Variants in MYOCD observed in about 807,000 individuals in gnomAD.
MYOCD encodes myocardin.
Under a neutral mutation model 96.1 loss-of-function variants are expected in MYOCD, and 32 were observed. The observed-to-expected ratio is 0.33, with a 90% CI of 0.25 to 0.45. MYOCD has a LOEUF of 0.45. Among genes scored for constraint, MYOCD ranks in the 20% least tolerant of loss-of-function variants. MYOCD has a pLI of 1.00. For synonymous variants in MYOCD, 469 were observed against 469.0 expected (o/e 1.00, Z 0.00); for missense variants, 1,133 against 1,200.6 (o/e 0.94, Z 0.83).
chr17:12,728,681 A>G (rs1243748796), intron 5 of MYOCD, among the ~76,000 whole-genome samples: 1 of 151,982 alleles, frequency 6.6e-6, no homozygotes, highest in Non-Finnish European at 1.5e-5. Flanking sequence ...GTTTCTCCAC[A>G]TTGGTCAGGC....
intron 1 of MYOCD, among the ~76,000 whole-genome samples, chr17:12,675,643 G>A (rs1282459485): frequency 6.6e-6 from 1 of 152,206 alleles, no homozygotes; most frequent in East Asian, 1.9e-4. Context: ...TGGATCACGA[G>A]GTCAGGGGAT....
chr17:12,683,934 C>G (rs1352808275), intron 1 of MYOCD, among the ~76,000 whole-genome samples: 1 of 152,190 alleles, frequency 6.6e-6, no homozygotes, highest in Admixed American at 6.5e-5. Context: ...TTAGCATGTT[C>G]ACCTTACTGG....
intron 1 of MYOCD, among the ~76,000 whole-genome samples, chr17:12,697,389 G>T (rs8077742): frequency 0.14 from 17,872 of 123,404 alleles, 1,852 homozygotes; most frequent in African/African-American, 0.3. Context: ...TTGAGACGGG[G>T]TCTCGCTCTG....
intron 1 of MYOCD, among the ~76,000 whole-genome samples, chr17:12,683,413 ACTGTCAGTAC>A (rs1182354539): frequency 1.3e-5 from 2 of 151,874 alleles, no homozygotes; most frequent in Non-Finnish European, 2.9e-5. Context: ...CAACAACTTT[ACTGTCAGTAC>A]CTGTCTCTGT....
At chr17:12,719,698 C>CAA (rs57311284) in intron 4 of MYOCD, among the ~76,000 whole-genome samples, 59,601 of 106,050 alleles carry the variant, frequency 0.56, 17,823 homozygotes, top group Non-Finnish European at 0.67. Flanking sequence ...ACTAAAAATA[C>CAA]AAAAAAAAAA....
chr17:12,717,568 C>A, intron 4 of MYOCD, 147 bp downstream of exon 4: 1 of 655,306 alleles, frequency 1.5e-6, no homozygotes, highest in Non-Finnish European at 2.6e-6. Context: ...TCATCTAAGC[C>A]TTCTAGGCCA....
At chr17:12,749,773 G>C (rs112342863) in intron 9 of MYOCD, among the ~76,000 whole-genome samples, 76 of 149,340 alleles carry the variant, frequency 5.1e-4, no homozygotes, top group African/African-American at 1.7e-3. Flanking sequence ...ACATTTATTA[G>C]TTTCTCTGAT....
intron 4 of MYOCD, among the ~76,000 whole-genome samples, chr17:12,719,106 C>T (rs907094655): frequency 6.3e-5 from 8 of 127,582 alleles, no homozygotes; most frequent in African/African-American, 1.8e-4. Context: ...ACCTGGGAGG[C>T]GGAGGTTGCA....
intron 7 of MYOCD, among the ~76,000 whole-genome samples, chr17:12,741,925 A>G (rs1456611756): frequency 6.6e-6 from 1 of 151,992 alleles, no homozygotes; most frequent in African/African-American, 2.4e-5. Context: ...GGGCTCAAAA[A>G]GAGAATAGTA....
intron 2 of MYOCD, among the ~76,000 whole-genome samples, chr17:12,711,084 A>G (rs1328886264): frequency 2.0e-5 from 3 of 152,212 alleles, no homozygotes; most frequent in African/African-American, 4.8e-5. Context: ...TGTTGAGACT[A>G]TTATTGGGGT....
intron 1 of MYOCD, among the ~76,000 whole-genome samples, chr17:12,700,917 T>TG (rs921485446): frequency 9.2e-5 from 14 of 152,012 alleles, no homozygotes; most frequent in Non-Finnish European, 1.3e-4. Context: ...TGTATGTGTG[T>TG]GGGGGGGTTA....
chr17:12,742,281 C>T (rs1277256313), intron 7 of MYOCD, among the ~76,000 whole-genome samples: 4 of 152,178 alleles, frequency 2.6e-5, no homozygotes, highest in Admixed American at 2.0e-4. Flanking sequence ...ATTCATTAGT[C>T]GCCAGGAAGA....
intron 5 of MYOCD, among the ~76,000 whole-genome samples, chr17:12,732,193 A>G (rs1339553116): frequency 1.3e-5 from 2 of 152,076 alleles, no homozygotes; most frequent in Non-Finnish European, 2.9e-5. Context: ...TCCTCATTTC[A>G]TTGACTTAAG....
chr17:12,723,091 G>T, intron 5 of MYOCD, 83 bp downstream of exon 5: 1 of 1,337,316 alleles, frequency 7.5e-7, no homozygotes, highest in South Asian at 1.4e-5. Context: ...TAGGATCTTT[G>T]GGGATGAGGG....
intron 7 of MYOCD, among the ~76,000 whole-genome samples, chr17:12,742,478 T>C (rs2032540091): frequency 6.6e-6 from 1 of 152,158 alleles, no homozygotes; most frequent in African/African-American, 2.4e-5. Context: ...GGAAACACAC[T>C]TTCCTTCCAA....
At chr17:12,682,165 C>A (rs2150642327) in intron 1 of MYOCD, among the ~76,000 whole-genome samples, 1 of 152,276 alleles carries the variant, frequency 6.6e-6, no homozygotes, top group South Asian at 2.1e-4. Context: ...CTTCTGTACC[C>A]CAAAGAGGAA....
intron 1 of MYOCD, among the ~76,000 whole-genome samples, chr17:12,673,503 T>A (rs1250658735): frequency 6.6e-6 from 1 of 152,212 alleles, no homozygotes; most frequent in African/African-American, 2.4e-5. Context: ...AAAGACTGTA[T>A]AATATTCCCC....
chr17:12,745,252 C>T (rs2032627890), intron 8 of MYOCD, among the ~76,000 whole-genome samples: 1 of 151,910 alleles, frequency 6.6e-6, no homozygotes, highest in Non-Finnish European at 1.5e-5. Context: ...TCTTGTTGCC[C>T]AGGCTGGAGT....
At chr17:12,740,437 C>T (rs2032473778) in intron 7 of MYOCD, among the ~76,000 whole-genome samples, 1 of 152,184 alleles carries the variant, frequency 6.6e-6, no homozygotes, top group African/African-American at 2.4e-5. Context: ...TTTTCCATTC[C>T]TGAGTTACTT....
Sources: allele counts gnomAD v4.1 joint callset (sites outside exome capture counted in the v4.1 genomes callset), GRCh38; gene constraint gnomAD v4.1.1; transcripts MANE v1.5; gene names NCBI Gene and HGNC (gene_info 2026-07-23, HGNC 2026-07-21).